WDFY1: variants seen among roughly 807,000 people sequenced by gnomAD.
WDFY1 encodes WD repeat and FYVE domain-containing protein 1.
WDFY1 carries 32 observed loss-of-function variants against 56.4 expected under a neutral mutation model. The observed-to-expected ratio is 0.57, with a 90% CI of 0.43 to 0.76. The LOEUF (loss-of-function observed/expected upper bound fraction) is 0.76. Among genes scored for constraint, WDFY1 ranks in the 30% least tolerant of loss-of-function variants. The pLI, the probability that WDFY1 is intolerant of heterozygous loss-of-function variation, is 0.00. For synonymous variants in WDFY1, 192 were observed against 197.3 expected, an observed-to-expected ratio of 0.97 and a Z score of 0.23; for missense variants, 480 against 545.7, an observed-to-expected ratio of 0.88 and a Z score of 1.20.
At chr2:223,917,239 G>T (rs1226477044) in intron 2 of WDFY1, among the ~76,000 whole-genome samples, 1 of 152,172 alleles carries the variant, frequency 6.6e-6, no homozygotes, top group African/African-American at 2.4e-5. Context: ...TCTCTCAATA[G>T]GTCCAGAGGT....
chr2:223,938,789 TG>T (rs1352815111), intron 1 of WDFY1, among the ~76,000 whole-genome samples: 1 of 151,888 alleles, frequency 6.6e-6, no homozygotes, highest in African/African-American at 2.4e-5. Flanking sequence ...GGTGGCTATC[TG>T]TGAATGACCC....
At chr2:223,944,983 G>A (rs1263834264) in intron 1 of WDFY1, among the ~76,000 whole-genome samples, 165 bp downstream of exon 1, 1 of 152,148 alleles carries the variant, frequency 6.6e-6, no homozygotes, top group African/African-American at 2.4e-5. Context: ...GAGGACCGGC[G>A]GGAGGGAACC....
chr2:223,923,169 C>CAA (rs1243795465), intron 1 of WDFY1, among the ~76,000 whole-genome samples: 1 of 152,182 alleles, frequency 6.6e-6, no homozygotes, highest in Non-Finnish European at 1.5e-5. Context: ...CATCTCTTTT[C>CAA]AAACCAGACC....
chr2:223,913,328 A>T (rs1294304319), intron 2 of WDFY1, among the ~76,000 whole-genome samples: 1 of 152,192 alleles, frequency 6.6e-6, no homozygotes, highest in Non-Finnish European at 1.5e-5. Flanking sequence ...AAGGAAGTAA[A>T]CTATAATACT....
rs1270790737 is a variant in WDFY1, at chr2:223,877,155, C to T, written c.*1516G>A. On this transcript the variant is annotated 3_prime_UTR_variant, in exon 12 of 12. Transcript: ENST00000233055. ...CTTTCCTTTCCTTACGTGTGTCACA[C>T]AGCCATTAAGACATTTTAGTTTGAT... 6.6e-6 allele frequency: 1 copy of T among 152,154 alleles called. No individual in the cohort carries two copies. Among genetic ancestry groups the T allele is most frequent in the Non-Finnish European group, 1.5e-5 (1 of 68,032 alleles). The allele number at this position is 152,154 out of a possible 1,614,324, so 9.4% of individuals were successfully genotyped here.
chr2:223,902,037 C>T (rs1183301817), intron 4 of WDFY1, among the ~76,000 whole-genome samples: 3 of 152,168 alleles, frequency 2.0e-5, no homozygotes, highest in African/African-American at 7.2e-5. Context: ...TGGTACAGAA[C>T]TTTGCATGTA....
Position 223,897,349 on chromosome 2 carries a change from C to G in WDFY1, c.598+1609G>C, listed in dbSNP as rs541097943. On this transcript the variant is annotated intron_variant, in intron 6 of 11. Coordinates refer to ENST00000233055, the MANE Select transcript of WDFY1 (RefSeq NM_020830.5). ...TTAGACATGTGTCCCCTCTAAATTT[C>G]GCATATATATATATATATATATATA... is the stretch of plus-strand genomic sequence containing the variant. 5.3e-5 allele frequency among the ~76,000 whole-genome samples: 6 copies of G among 113,596 alleles called. No individual in the cohort carries two copies. The East Asian group carries it at 1.3e-3, about 25-fold the overall frequency. 74.5% of individuals were successfully genotyped at this position (113,596 alleles called of 152,430 possible). A position where few individuals can be genotyped will look rare whatever the true frequency, so the allele number is the denominator to read the frequency against.
intron 5 of WDFY1, 61 bp from the exon 6 acceptor site, chr2:223,899,131 G>C: frequency 1.5e-6 from 2 of 1,354,674 alleles, no homozygotes; most frequent in Non-Finnish European, 2.1e-6. Context: ...TCATAAGAGA[G>C]ATACCAGCAT....
intron 1 of WDFY1, among the ~76,000 whole-genome samples, chr2:223,918,857 G>A (rs577362852): frequency 6.6e-5 from 10 of 152,286 alleles, no homozygotes; most frequent in African/African-American, 2.4e-4. Context: ...CTTGGGCATG[G>A]CAATTCTGCC....
intron 6 of WDFY1, among the ~76,000 whole-genome samples, chr2:223,895,900 G>A (rs1291777202): frequency 6.6e-6 from 1 of 152,020 alleles, no homozygotes; most frequent in Non-Finnish European, 1.5e-5. Flanking sequence ...ACTCACACTT[G>A]TAATCCCAGC....
chr2:223,944,397 C>A (rs927170371), intron 1 of WDFY1, among the ~76,000 whole-genome samples: 2 of 152,252 alleles, frequency 1.3e-5, no homozygotes, highest in African/African-American at 4.8e-5. Context: ...CAGGCTAGTG[C>A]GACACCGCAG....
chr2:223,884,859 C>CTTCA, intron 8 of WDFY1, 110 bp from the exon 9 acceptor site: 11 of 689,252 alleles, frequency 1.6e-5, no homozygotes, highest in Non-Finnish European at 2.0e-5. Context: ...TTCTTTTCTT[C>CTTCA]TTTTTTTTTT....
chr2:223,944,888 G>C (rs370570986), intron 1 of WDFY1, among the ~76,000 whole-genome samples: 1 of 152,124 alleles, frequency 6.6e-6, no homozygotes, highest in East Asian at 1.9e-4. Context: ...TCCCGGGCTG[G>C]AGGGGCGCGG....
At position 223,879,420 on chromosome 2, in the gene WDFY1, C is replaced by G. The variant is rs144799881; in HGVS notation, c.1174-690G>C. 1.4e-3 allele frequency among the ~76,000 whole-genome samples: 217 copies of G among 152,088 alleles called. 2 individuals carry two copies. The highest frequency in any genetic ancestry group is 6.8e-3 in the Middle Eastern group (2 of 294). On this transcript the variant is annotated intron_variant, in intron 11 of 11. Coordinates refer to ENST00000233055, the MANE Select transcript of WDFY1 (RefSeq NM_020830.5). ...CCTATAATCCCAGTACTTTGGGAGC[C>G]TGAGATGGGAGGATCGCTTGAGCCG...
chr2:223,894,347 C>G lies in WDFY1; in HGVS notation c.726-8G>C. Reference sequence around the variant, plus strand: ...AGCGACTGCACCTTGTCACTGCAAACAGCACACACAACAGTCACTTGTCTC... The same window carrying G: ...AGCGACTGCACCTTGTCACTGCAAAGAGCACACACAACAGTCACTTGTCTC... On this transcript the variant is annotated splice_region_variant and splice_polypyrimidine_tract_variant and intron_variant, in intron 7 of 11. Coordinates refer to ENST00000233055, the MANE Select transcript of WDFY1 (RefSeq NM_020830.5). 6 of 1,614,020 alleles carry G rather than the reference C, an allele frequency of 3.7e-6. No homozygotes were observed. The highest frequency in any genetic ancestry group is 5.1e-6 in the Non-Finnish European group (6 of 1,179,886).
chr2:223,885,798 G>C (rs1388564567), intron 8 of WDFY1, among the ~76,000 whole-genome samples: 1 of 152,052 alleles, frequency 6.6e-6, no homozygotes, highest in Non-Finnish European at 1.5e-5. Context: ...TATGCCGGCA[G>C]ATTTGCCCCC....
At chr2:223,906,125 G>A (rs537443541) in intron 3 of WDFY1, 124 bp from the exon 4 acceptor site, 380 of 680,600 alleles carry the variant, frequency 5.6e-4, no homozygotes, top group Non-Finnish European at 5.9e-4. Context: ...GACTTAAGGC[G>A]AGTTATTTAG....
intron 1 of WDFY1, among the ~76,000 whole-genome samples, chr2:223,920,208 T>C (rs1693865583): frequency 6.6e-6 from 1 of 152,224 alleles, no homozygotes; most frequent in African/African-American, 2.4e-5. Flanking sequence ...TCAGAAGATC[T>C]TTAAGAAGCA....
In WDFY1 at chr2:223,945,253, C is replaced by T. The variant is rs753029394; in HGVS notation, c.32G>A (p.Ser11Asn). 8 of 1,587,018 alleles carry T rather than the reference C, an allele frequency of 5.0e-6. No homozygotes were observed. The highest frequency in any genetic ancestry group is 6.8e-6 in the Non-Finnish European group (8 of 1,171,492). Residue 11 changes from serine to asparagine, a missense_variant, in exon 1 of 12, where the codon AGC becomes AAC. By Grantham distance (46) the Ser-to-Asn change is conservative. Coordinates refer to ENST00000233055, the MANE Select transcript of WDFY1 (RefSeq NM_020830.5). Reference sequence around the variant, plus strand: ...CTTGCTCAGCAGCACCGGGCGGCTGCTCTGCGGCCTGGAGTGGATTTCGGC... The same window carrying T: ...CTTGCTCAGCAGCACCGGGCGGCTGTTCTGCGGCCTGGAGTGGATTTCGGC... MAAEIHSRPQSSRPVLLSKIE... is the reference protein window; with the variant it reads MAAEIHSRPQNSRPVLLSKIE...
Sources: allele counts gnomAD v4.1 joint callset (sites outside exome capture counted in the v4.1 genomes callset), GRCh38; gene constraint gnomAD v4.1.1; transcripts MANE v1.5; gene names NCBI Gene and HGNC (gene_info 2026-07-23, HGNC 2026-07-21).